Variants in ADGRV1 observed in about 807,000 individuals in gnomAD.
ADGRV1 encodes the protein G-protein coupled receptor 98.
Under a neutral mutation model 596.2 loss-of-function variants are expected in ADGRV1, and 359 were observed. The observed-to-expected ratio is 0.60, with a 90% CI of 0.55 to 0.66. The LOEUF (loss-of-function observed/expected upper bound fraction) is 0.66. ADGRV1 is among the 30% of genes least tolerant of loss of function. The pLI is 0.00. For missense variants in ADGRV1, 7,274 were observed against 7,575.6 expected (o/e 0.96, Z 1.48); for synonymous variants, 2,681 against 2,679.2 (o/e 1.00, Z -0.02).
chr5:90,970,232 C>T (rs928002595), intron 84 of ADGRV1, among the ~76,000 whole-genome samples: 2 of 152,170 alleles, frequency 1.3e-5, no homozygotes, highest in Non-Finnish European at 2.9e-5. Flanking sequence ...CAGGGAAGCT[C>T]GTACTGGGTG....
chr5:90,645,093 T>C (rs1767544835), intron 15 of ADGRV1, among the ~76,000 whole-genome samples: 1 of 152,238 alleles, frequency 6.6e-6, no homozygotes, highest in South Asian at 2.1e-4. Context: ...ACACTGCTCA[T>C]GTATCCAGTA....
At chr5:90,684,338 A>AC in intron 28 of ADGRV1, 143 bp downstream of exon 28, 10 of 762,928 alleles carry the variant, frequency 1.3e-5, no homozygotes, top group Non-Finnish European at 1.8e-5. Flanking sequence ...GTTTACCTGT[A>AC]AGGTAACTGG....
intron 83 of ADGRV1, among the ~76,000 whole-genome samples, chr5:90,909,481 C>T (rs1336775681): frequency 6.6e-6 from 1 of 152,132 alleles, no homozygotes; most frequent in Non-Finnish European, 1.5e-5. Context: ...CCAGCTGACC[C>T]ACTCCATAGG....
chr5:90,630,392 G>C (rs1207147492), intron 9 of ADGRV1: 1 of 152,140 alleles, frequency 6.6e-6, no homozygotes, highest in African/African-American at 2.4e-5. Context: ...GTTTAGTAAA[G>C]TCCCCATGAC....
chr5:90,769,762 C>T (rs1436375527), intron 59 of ADGRV1, among the ~76,000 whole-genome samples: 1 of 152,060 alleles, frequency 6.6e-6, no homozygotes, highest in African/African-American at 2.4e-5. Flanking sequence ...AAAATATATA[C>T]ATTTAAAAAA....
chr5:91,141,814 G>C (rs1167725406), intron 87 of ADGRV1, among the ~76,000 whole-genome samples: 2 of 152,174 alleles, frequency 1.3e-5, no homozygotes. Context: ...CTTCCCAGGG[G>C]TGTCTGCCAA....
intron 6 of ADGRV1, chr5:90,626,405 T>C (rs1764761955): frequency 6.6e-6 from 1 of 152,196 alleles, no homozygotes; most frequent in African/African-American, 2.4e-5. Flanking sequence ...ATTGTAAATT[T>C]GAAAGATCAA....
intron 84 of ADGRV1, among the ~76,000 whole-genome samples, chr5:90,967,817 T>C (rs1778609825): frequency 6.6e-6 from 1 of 152,184 alleles, no homozygotes; most frequent in African/African-American, 2.4e-5. Flanking sequence ...AATTATAATT[T>C]AACATAAACT....
chr5:91,160,393 A>G (rs1286417459), intron 89 of ADGRV1, among the ~76,000 whole-genome samples: 1 of 152,082 alleles, frequency 6.6e-6, no homozygotes, highest in Non-Finnish European at 1.5e-5. Context: ...TGGAAGGGGT[A>G]TGGTCTTTGG....
rs1399317553 is a variant in ADGRV1, at chr5:90,591,389, C to G, written c.23-23446C>G. On this transcript the variant is annotated intron_variant, in intron 1 of 89. Transcript: ENST00000405460. Reference sequence around the variant, plus strand: ...CCAGCCTGGGCAACACAGCAAGACTCTGTCTCAAAAAAAATATATATATAT... The same window carrying G: ...CCAGCCTGGGCAACACAGCAAGACTGTGTCTCAAAAAAAATATATATATAT... 3.9e-5 allele frequency among the ~76,000 whole-genome samples: 6 copies of G among 151,906 alleles called. No individual in the cohort carries two copies. The East Asian group carries it at 7.7e-4, about 20-fold the overall frequency.
At chr5:90,886,268 C>G (rs1258864628) in intron 83 of ADGRV1, among the ~76,000 whole-genome samples, 3 of 152,120 alleles carry the variant, frequency 2.0e-5, no homozygotes, top group Non-Finnish European at 2.9e-5. Flanking sequence ...ATAGATCACC[C>G]ACTCCTGGTT....
intron 83 of ADGRV1, among the ~76,000 whole-genome samples, chr5:90,947,801 C>CTT (rs757159534): frequency 2.0e-5 from 3 of 152,140 alleles, no homozygotes; most frequent in Admixed American, 1.3e-4. Context: ...TCCACATGTC[C>CTT]TATCTCCCTA....
intron 85 of ADGRV1, among the ~76,000 whole-genome samples, chr5:91,004,173 A>G (rs1385776503): frequency 6.6e-6 from 1 of 152,198 alleles, no homozygotes; most frequent in African/African-American, 2.4e-5. Context: ...TCCAACTATC[A>G]GATAAGTGAA....
At chr5:90,758,173 A>G (rs1342784667) in intron 57 of ADGRV1, among the ~76,000 whole-genome samples, 1 of 152,140 alleles carries the variant, frequency 6.6e-6, no homozygotes, top group Non-Finnish European at 1.5e-5. Flanking sequence ...TGTACTAGAA[A>G]TACAAAAAAA....
chr5:91,080,381 C>A (rs1789236074), intron 86 of ADGRV1, among the ~76,000 whole-genome samples: 1 of 152,048 alleles, frequency 6.6e-6, no homozygotes, highest in Non-Finnish European at 1.5e-5. Flanking sequence ...ATTTACAGGG[C>A]TGCTCAGTTG....
At chr5:90,750,746 A>T in intron 53 of ADGRV1, 49 bp downstream of exon 53, 1 of 1,494,874 alleles carries the variant, frequency 6.7e-7, no homozygotes, top group Non-Finnish European at 9.3e-7. Context: ...TATGGTTACT[A>T]GTGATGTATG....
intron 36 of ADGRV1, 86 bp from the exon 37 acceptor site, chr5:90,705,309 ATTACC>A: frequency 9.6e-7 from 1 of 1,038,016 alleles, no homozygotes; most frequent in Middle Eastern, 2.1e-4. Context: ...AACACTTTTG[ATTACC>A]TTAATGTTTC....
intron 85 of ADGRV1, among the ~76,000 whole-genome samples, chr5:91,020,650 C>G (rs979654485): frequency 6.6e-6 from 1 of 151,976 alleles, no homozygotes; most frequent in Non-Finnish European, 1.5e-5. Context: ...GTGTGAAAGA[C>G]CCACTGCCAT....
chr5:90,919,421 T>C (rs1011844277), intron 83 of ADGRV1, among the ~76,000 whole-genome samples: 5 of 152,198 alleles, frequency 3.3e-5, no homozygotes, highest in Non-Finnish European at 7.4e-5. Flanking sequence ...AGTTGATACA[T>C]ATAAAATTCT....
Sources: allele counts gnomAD v4.1 joint callset (sites outside exome capture counted in the v4.1 genomes callset), GRCh38; gene constraint gnomAD v4.1.1; transcripts MANE v1.5; gene names NCBI Gene and HGNC (gene_info 2026-07-23, HGNC 2026-07-21).